DPP9: variants seen among roughly 807,000 people sequenced by gnomAD.
The protein encoded by DPP9 is dipeptidyl peptidase 9.
In DPP9, 50 loss-of-function variants were observed where a neutral mutation model predicts 110.7. That is an observed-to-expected ratio of 0.45 (90% CI 0.36 to 0.57). The LOEUF is 0.57. Ranked by LOEUF, DPP9 falls within the 20% of genes least tolerant of loss-of-function variation. The pLI is 0.00. For missense variants in DPP9, 1,022 were observed against 1,217.9 expected (o/e 0.84, Z 2.39); for synonymous variants, 561 against 514.4 (o/e 1.09, Z -1.23).
intron 16 of DPP9, among the ~76,000 whole-genome samples, chr19:4,686,479 T>G (rs957127732): frequency 6.6e-6 from 1 of 151,800 alleles, no homozygotes; most frequent in African/African-American, 2.4e-5. Flanking sequence ...GCCACCACAT[T>G]TGGCTAATTT....
In DPP9 at chr19:4,684,461, C is replaced by T. The variant is rs57956959; in HGVS notation, c.2178+202G>A. The T allele has an allele frequency of 7.3e-3, 4,520 of 618,056 alleles. 157 individuals are homozygous for T. In the African/African-American group the frequency reaches 0.074, roughly 10 times the overall value. The allele number at this position is 618,056 out of a possible 1,614,324, so 38.3% of individuals were successfully genotyped here. Reference sequence around the variant, plus strand: ...TCAGCACAACTTGTCTCTGTCCCTGCAGGGCGCAGCCCAGAGCTGAGCAGC... The same window carrying T: ...TCAGCACAACTTGTCTCTGTCCCTGTAGGGCGCAGCCCAGAGCTGAGCAGC... On this transcript the variant is annotated intron_variant, in intron 18 of 21. Coordinates refer to ENST00000262960, the MANE Select transcript of DPP9 (RefSeq NM_139159.5). The surrounding 1 kb of genome is among the most constrained non-coding windows in gnomAD (Gnocchi z 4.8).
At position 4,684,598 on chromosome 19, in the gene DPP9, C is replaced by A. The variant is rs2090406218; in HGVS notation, c.2178+65G>T. 4 of 1,584,816 alleles carry A rather than the reference C, an allele frequency of 2.5e-6. No homozygotes were observed. The highest frequency in any genetic ancestry group is 3.5e-5 in the Admixed American group (2 of 56,564). ...CCAGAGCCGCTCCCATGCCCTGCAC[C>A]CACACGGCCCAGGGCTCCCTTCCCG... is the stretch of plus-strand genomic sequence containing the variant. On this transcript the variant is annotated intron_variant, in intron 18 of 21. Coordinates refer to ENST00000262960, the MANE Select transcript of DPP9 (RefSeq NM_139159.5). This position sits in a 1 kb window ranked among gnomAD's most constrained non-coding sequence, Gnocchi z 4.8.
rs963042535 is a variant in DPP9, at chr19:4,680,930, C to T, written c.2475-984G>A. On this transcript the variant is annotated intron_variant, in intron 20 of 21. Coordinates refer to ENST00000262960, the MANE Select transcript of DPP9 (RefSeq NM_139159.5). ...TGAGATTAAGCCACTGCACTCCAGC[C>T]GGGACCACAGAGTGAGACTCTCTCA... Among the ~76,000 whole-genome samples, 12 of 152,192 alleles carry T rather than the reference C, an allele frequency of 7.9e-5. No individual in the cohort carries two copies. In the South Asian group the frequency reaches 1.7e-3, roughly 21 times the overall value.
chr19:4,717,652 G>A (rs1195161690), intron 3 of DPP9: 2 of 152,220 alleles, frequency 1.3e-5, no homozygotes, highest in Admixed American at 6.5e-5. Context: ...GCAAAAATTC[G>A]ATCCCGGAGA....
chr19:4,680,086 A>C, intron 20 of DPP9, 140 bp from the exon 21 acceptor site: 1 of 606,902 alleles, frequency 1.6e-6, no homozygotes, highest in Admixed American at 2.8e-5. Flanking sequence ...ATTTAAAAAA[A>C]ATTAGCCAGG....
At chr19:4,716,661 AG>A (rs941911997) in intron 3 of DPP9, among the ~76,000 whole-genome samples, 4 of 151,884 alleles carry the variant, frequency 2.6e-5, no homozygotes, top group African/African-American at 9.7e-5. Flanking sequence ...AAAAAAAGAA[AG>A]AAAGATCACG....
rs912808947 is a variant in DPP9, at chr19:4,710,233, G to T, written c.313+3848C>A. ...TGTGGCCTCGAGTGGCTGGCCTGGT[G>T]GGGGATCGTGATCCACACAGGGCTA... On this transcript the variant is annotated intron_variant, in intron 4 of 21. Transcript: ENST00000262960. This position sits in a 1 kb window ranked among gnomAD's most constrained non-coding sequence, Gnocchi z 5.6. Among the ~76,000 whole-genome samples, 1 of 149,750 alleles carries T rather than the reference G, an allele frequency of 6.7e-6. No individual in the cohort carries two copies. The highest frequency in any genetic ancestry group is 1.5e-5 in the Non-Finnish European group (1 of 67,810).
At position 4,685,765 on chromosome 19, in the gene DPP9, G is replaced by A. The variant is rs767001811; in HGVS notation, c.1892C>T (p.Pro631Leu). 1.2e-6 allele frequency: 2 copies of A among 1,612,846 alleles called. No individual in the cohort carries two copies. Among genetic ancestry groups the A allele is most frequent in the Admixed American group, 1.7e-5 (1 of 60,016 alleles). Residue 631 changes from proline to leucine, a missense_variant, in exon 17 of 22, where the codon CCC (proline) becomes CTC (leucine). Coordinates refer to ENST00000262960, the MANE Select transcript of DPP9 (RefSeq NM_139159.5). This position sits in a 1 kb window ranked among gnomAD's most constrained non-coding sequence, Gnocchi z 5.8. ...WASMMEAASCPPDYVPPEIFH... is the reference protein window; with the variant it reads ...WASMMEAASCLPDYVPPEIFH... ...GATCTCTGGAGGAACATAATCCGGG[G>A]GGCAGCCTGCGGGAGACAGGGCGGC...
At chr19:4,690,682 T>C (rs1392653247) in intron 14 of DPP9, among the ~76,000 whole-genome samples, 196 bp downstream of exon 14, 1 of 152,110 alleles carries the variant, frequency 6.6e-6, no homozygotes, top group East Asian at 1.9e-4. Flanking sequence ...GGCTTGTGTG[T>C]ATGGTAGACA....
rs111709962 is a variant in DPP9, at chr19:4,702,728, G to A, written c.770-12C>T. ...GACATTGGATAAACCTAGGGGGAGGGACGGAGAGCATCAACAAGGGGTGAG... is the reference window on the plus strand; with the variant it reads ...GACATTGGATAAACCTAGGGGGAGGAACGGAGAGCATCAACAAGGGGTGAG... On this transcript the variant is annotated splice_polypyrimidine_tract_variant and intron_variant, in intron 7 of 21. Transcript: ENST00000262960. The A allele has an allele frequency of 6.4e-7, 1 of 1,553,466 alleles. No individual in the cohort carries two copies. The highest frequency in any genetic ancestry group is 8.7e-7 in the Non-Finnish European group (1 of 1,146,996).
At chr19:4,721,617 C>T (rs2093326464) in intron 2 of DPP9, among the ~76,000 whole-genome samples, 1 of 152,180 alleles carries the variant, frequency 6.6e-6, no homozygotes, top group South Asian at 2.1e-4. Flanking sequence ...TCCAGCTCTA[C>T]TAAAAATACA....
rs2091574442 is a variant in DPP9 at position 4,694,120 on chromosome 19, C to T, written c.1516+541G>A. On this transcript the variant is annotated intron_variant, in intron 13 of 21. Transcript: ENST00000262960. The surrounding 1 kb of genome is among the most constrained non-coding windows in gnomAD (Gnocchi z 4.0). ...ACTGTTTCTGGAATACTGCCTCCTCCACTAGAAGGTCCCAAGAGCAGGGAT... is the reference window on the plus strand; with the variant it reads ...ACTGTTTCTGGAATACTGCCTCCTCTACTAGAAGGTCCCAAGAGCAGGGAT... Among the ~76,000 whole-genome samples the T allele has an allele frequency of 6.6e-6, 1 of 152,246 alleles. No homozygotes were observed. Among genetic ancestry groups the T allele is most frequent in the African/African-American group, 2.4e-5 (1 of 41,460 alleles).
intron 3 of DPP9, among the ~76,000 whole-genome samples, chr19:4,716,691 A>C (rs757768880): frequency 6.6e-6 from 1 of 151,990 alleles, no homozygotes; most frequent in African/African-American, 2.4e-5. Flanking sequence ...TTGTCACCTC[A>C]TTTGGGCCTT....
At position 4,684,880 on chromosome 19, in the gene DPP9, G is replaced by C; in HGVS notation, c.2032-71C>G. The C allele has an allele frequency of 6.5e-7, 1 of 1,545,372 alleles. No individual in the cohort carries two copies. Among genetic ancestry groups the C allele is most frequent in the Non-Finnish European group, 8.8e-7 (1 of 1,142,470 alleles). On this transcript the variant is annotated intron_variant, in intron 17 of 21. Transcript: ENST00000262960. The surrounding 1 kb of genome is among the most constrained non-coding windows in gnomAD (Gnocchi z 4.8). ...GGACGGGCCTGGCAGGGGAGATGCC[G>C]GTGGGCTGGGGACCGGGCCGGGCTG...
chr19:4,679,087 C>G (rs905808149), intron 21 of DPP9, among the ~76,000 whole-genome samples: 1 of 149,986 alleles, frequency 6.7e-6, no homozygotes, highest in Non-Finnish European at 1.5e-5. Context: ...TCCTCTACAG[C>G]AGAAGCCCCA....
chr19:4,706,053 G>A (rs1028552616), intron 4 of DPP9, 83 bp from the exon 5 acceptor site: 9 of 1,227,684 alleles, frequency 7.3e-6, no homozygotes, highest in Non-Finnish European at 1.0e-5. Context: ...GGGCCCAGCT[G>A]GTTCCCTCTG....
intron 21 of DPP9, among the ~76,000 whole-genome samples, chr19:4,677,167 G>A (rs993531285): frequency 2.6e-5 from 4 of 152,146 alleles, no homozygotes; most frequent in Non-Finnish European, 5.9e-5. Context: ...CAAGCCAAGA[G>A]GCAGGCAGTA....
At chr19:4,722,730 G>A (rs748213259) in intron 1 of DPP9, 179 bp from the exon 2 acceptor site, 5 of 585,474 alleles carry the variant, frequency 8.5e-6, no homozygotes, top group Non-Finnish European at 1.5e-5. Flanking sequence ...TGGGAGAGAA[G>A]CCATCCCACG....
Position 4,689,030 on chromosome 19 carries a change from TC to T in DPP9, c.1750-139del. ...CCTGCCTGTCATGAAACCTCAAAGC[TC>T]CACCCGCTGCTGCAAGGGGGGCACC... On this transcript the variant is annotated intron_variant, in intron 15 of 21. Transcript: ENST00000262960. The surrounding 1 kb of genome is among the most constrained non-coding windows in gnomAD (Gnocchi z 7.0). 9.8e-7 allele frequency: 1 copy of T among 1,025,320 alleles called. No individual in the cohort carries two copies. Among genetic ancestry groups the T allele is most frequent in the Non-Finnish European group, 1.3e-6 (1 of 799,728 alleles). The allele number at this position is 1,025,320 out of a possible 1,614,324, so 63.5% of individuals were successfully genotyped here. A position where few individuals can be genotyped will look rare whatever the true frequency, so the allele number is the denominator to read the frequency against.
Sources: gnomAD v4.1 joint callset for allele counts (sites outside exome capture counted in the v4.1 genomes callset) on GRCh38, gnomAD v4.1.1 for gene constraint, Gnocchi (gnomAD v3.1) non-coding constraint, MANE v1.5 for transcripts, NCBI Gene and HGNC (gene_info 2026-07-23, HGNC 2026-07-21) for gene names.